The following CA10 variants were observed in gnomAD, a reference collection of about 807,000 sequenced individuals.
The protein encoded by CA10 is carbonic anhydrase 10 (inactive), also known as carbonic anhydrase-related protein 10.
CA10 carries 14 observed loss-of-function variants against 44.2 expected under a neutral mutation model. The ratio of observed to expected loss-of-function variants is 0.32; its 90% CI spans 0.21 to 0.50. The LOEUF is 0.50. Among genes scored for constraint, CA10 ranks in the 20% least tolerant of loss-of-function variants. The pLI, the probability that CA10 is intolerant of heterozygous loss-of-function variation, is 0.99. For missense variants in CA10, 350 were observed against 409.7 expected, an observed-to-expected ratio of 0.85 and a Z score of 1.26; for synonymous variants, 159 against 141.6, an observed-to-expected ratio of 1.12 and a Z score of -0.87.
rs544269802 is a variant in CA10 at position 52,038,884 on chromosome 17, C to T, written c.136+33435G>A. Among the ~76,000 whole-genome samples the T allele has an allele frequency of 2.0e-4, 30 of 152,158 alleles. No individual in the cohort carries two copies. The South Asian group carries it at 3.1e-3, about 16-fold the overall frequency. On this transcript the variant is annotated intron_variant, in intron 2 of 8. Coordinates refer to ENST00000451037, the MANE Select transcript of CA10 (RefSeq NM_020178.5). ...CTTGGTGTTTCTCTGGGTCCTGTTT[C>T]GAATTATTTTAATAACATGGTATAT...
intron 3 of CA10, among the ~76,000 whole-genome samples, chr17:51,846,445 T>G (rs964635117): frequency 6.6e-6 from 1 of 152,218 alleles, no homozygotes. Flanking sequence ...TATGTGCCCC[T>G]TGTTGCACAA....
chr17:51,681,552 A>G (rs1914846023), intron 4 of CA10, among the ~76,000 whole-genome samples: 1 of 152,162 alleles, frequency 6.6e-6, no homozygotes, highest in Non-Finnish European at 1.5e-5. Context: ...TACCCACTAG[A>G]GACGCCAGTA....
intron 3 of CA10, among the ~76,000 whole-genome samples, chr17:51,807,011 C>A (rs1041684217): frequency 6.6e-6 from 1 of 152,194 alleles, no homozygotes; most frequent in Non-Finnish European, 1.5e-5. Context: ...ATTTCATTAT[C>A]CCCATTTTAC....
At chr17:51,904,231 A>C (rs2143937057) in intron 3 of CA10, among the ~76,000 whole-genome samples, 1 of 152,198 alleles carries the variant, frequency 6.6e-6, no homozygotes, top group East Asian at 1.9e-4. Context: ...TATTCTTAGA[A>C]GGTCATGTTG....
At chr17:51,648,986 A>C (rs1913450364) in intron 6 of CA10, among the ~76,000 whole-genome samples, 196 bp downstream of exon 6, 1 of 152,078 alleles carries the variant, frequency 6.6e-6, no homozygotes, top group Non-Finnish European at 1.5e-5. Context: ...CATGGATGAC[A>C]AAGGCACCCT....
At chr17:52,070,908 G>A (rs780184875) in intron 2 of CA10, among the ~76,000 whole-genome samples, 1 of 152,122 alleles carries the variant, frequency 6.6e-6, no homozygotes, top group Non-Finnish European at 1.5e-5. Context: ...AACTTAGCAA[G>A]ACTTCTTATT....
At chr17:51,951,126 C>A (rs1232764065) in intron 2 of CA10, among the ~76,000 whole-genome samples, 9 of 152,140 alleles carry the variant, frequency 5.9e-5, no homozygotes, top group Admixed American at 5.9e-4. Context: ...ATTTTCAAAG[C>A]ACATGAAATG....
chr17:51,800,318 T>C (rs1180495849), intron 3 of CA10, among the ~76,000 whole-genome samples: 4 of 152,134 alleles, frequency 2.6e-5, no homozygotes, highest in Non-Finnish European at 5.9e-5. Flanking sequence ...AGAAAGTAGA[T>C]TAGTGGTTGT....
At chr17:51,980,505 A>G (rs1984618004) in intron 2 of CA10, among the ~76,000 whole-genome samples, 3 of 152,158 alleles carry the variant, frequency 2.0e-5, no homozygotes, top group African/African-American at 7.2e-5. Context: ...TTTGCTGTGC[A>G]GAAGCTCTTA....
At chr17:51,877,575 C>A (rs1980134517) in intron 3 of CA10, among the ~76,000 whole-genome samples, 1 of 152,148 alleles carries the variant, frequency 6.6e-6, no homozygotes, top group Non-Finnish European at 1.5e-5. Flanking sequence ...TGCACCTTGG[C>A]AATAAATCAA....
rs1982833578 is a variant in CA10 at position 51,935,564 on chromosome 17, C to A, written c.137-4432G>T. Among the ~76,000 whole-genome samples the A allele has an allele frequency of 4.6e-5, 7 of 152,296 alleles. No homozygotes were observed. In the South Asian group the frequency reaches 1.5e-3, roughly 32 times the overall value. ...TTTTCACACAGCCTAAACCATGGAACTTAACTGCTGCATCACAGCGATGTG... is the reference window on the plus strand; with the variant it reads ...TTTTCACACAGCCTAAACCATGGAAATTAACTGCTGCATCACAGCGATGTG... On this transcript the variant is annotated intron_variant, in intron 2 of 8. Coordinates refer to ENST00000451037, the MANE Select transcript of CA10 (RefSeq NM_020178.5).
chr17:52,126,393 T>A (rs974578974), intron 1 of CA10, among the ~76,000 whole-genome samples: 6 of 152,296 alleles, frequency 3.9e-5, no homozygotes, highest in Admixed American at 2.0e-4. Context: ...ACATGAATTT[T>A]AAAAAAATAT....
Position 52,080,806 on chromosome 17 carries a change from T to G in CA10, c.62-8413A>C, listed in dbSNP as rs944817416. On this transcript the variant is annotated intron_variant, in intron 1 of 8. Coordinates refer to ENST00000451037, the MANE Select transcript of CA10 (RefSeq NM_020178.5). ...TCAAAGCCTCTCCAATTTACACTCCTTTCAAGAAAGGTGTACTGATCATTC... is the reference window on the plus strand; with the variant it reads ...TCAAAGCCTCTCCAATTTACACTCCGTTCAAGAAAGGTGTACTGATCATTC... Among the ~76,000 whole-genome samples the G allele has an allele frequency of 6.6e-5, 10 of 152,170 alleles. No homozygotes were observed. The South Asian group carries it at 8.3e-4, about 13-fold the overall frequency.
Position 51,916,567 on chromosome 17 carries a change from G to A in CA10, c.279+14423C>T, listed in dbSNP as rs556839299. Among the ~76,000 whole-genome samples, 87 of 152,246 alleles carry A rather than the reference G, an allele frequency of 5.7e-4. 1 individual carries two copies. The highest frequency in any genetic ancestry group is 1.0e-3 in the Non-Finnish European group (71 of 68,022). ...TGCACAAATTCTCTTGTCTGCTGCC[G>A]TGTGAGACATGCCTTTGACCTTCCA... On this transcript the variant is annotated intron_variant, in intron 3 of 8. Transcript: ENST00000451037.
In CA10 at chr17:51,959,282, C is replaced by CTGTGTGTGTG. The variant is rs71149386; in HGVS notation, c.137-28160_137-28151dup. On this transcript the variant is annotated intron_variant, in intron 2 of 8. Transcript: ENST00000451037. ...TTGTTCTCTCTCTCGCTCTCTCTCT[C>CTGTGTGTGTG]TGTGTGTGTGTGTGTGTGTGTGTGT... is the stretch of plus-strand genomic sequence containing the variant. 1.8e-4 allele frequency among the ~76,000 whole-genome samples: 24 copies of CTGTGTGTGTG among 134,446 alleles called. No individual in the cohort carries two copies. The East Asian group carries it at 2.6e-3, about 15-fold the overall frequency. The allele number at this position is 134,446 out of a possible 152,430, so 88.2% of individuals were successfully genotyped here.
chr17:51,692,871 G>T (rs1915265401), intron 4 of CA10, among the ~76,000 whole-genome samples: 1 of 152,172 alleles, frequency 6.6e-6, no homozygotes, highest in Non-Finnish European at 1.5e-5. Flanking sequence ...GACTGGTTTT[G>T]AGCAGCCATC....
At chr17:51,918,315 A>G (rs1341709422) in intron 3 of CA10, among the ~76,000 whole-genome samples, 1 of 152,232 alleles carries the variant, frequency 6.6e-6, no homozygotes, top group African/African-American at 2.4e-5. Context: ...ACTTAAAAAA[A>G]ATAGTTTCTG....
chr17:51,782,491 C>T (rs1015304759), intron 3 of CA10, among the ~76,000 whole-genome samples: 3 of 152,182 alleles, frequency 2.0e-5, no homozygotes, highest in Non-Finnish European at 4.4e-5. Context: ...TTCCTTTTAA[C>T]AATGGCAGAT....
chr17:52,059,141 G>T (rs1274496783), intron 2 of CA10, among the ~76,000 whole-genome samples: 1 of 152,142 alleles, frequency 6.6e-6, no homozygotes, highest in African/African-American at 2.4e-5. Flanking sequence ...TAGAGAGAGA[G>T]ACTTGCATCA....
Sources: allele counts gnomAD v4.1 joint callset (sites outside exome capture counted in the v4.1 genomes callset), GRCh38; gene constraint gnomAD v4.1.1; transcripts MANE v1.5; gene names NCBI Gene and HGNC (gene_info 2026-07-23, HGNC 2026-07-21).